CYRIA: variants seen among roughly 807,000 people sequenced by gnomAD.
CYRIA encodes the protein CYFIP-related Rac1 interactor A.
Under a neutral mutation model 43.9 loss-of-function variants are expected in CYRIA, and 15 were observed. That is an observed-to-expected ratio of 0.34 (90% CI 0.23 to 0.53). The LOEUF (loss-of-function observed/expected upper bound fraction) is 0.53. CYRIA is among the 20% of genes least tolerant of loss of function. The pLI, the probability that CYRIA is intolerant of heterozygous loss-of-function variation, is 0.94. For synonymous variants in CYRIA, 117 were observed against 136.0 expected, an observed-to-expected ratio of 0.86 and a Z score of 0.97; for missense variants, 236 against 394.2, an observed-to-expected ratio of 0.60 and a Z score of 3.40.
At chr2:16,658,785 C>T (rs1670176851) in intron 1 of CYRIA, among the ~76,000 whole-genome samples, 1 of 151,966 alleles carries the variant, frequency 6.6e-6, no homozygotes, top group South Asian at 2.1e-4. Context: ...CTATCTAATC[C>T]CCCAGTTTCT....
intron 1 of CYRIA, among the ~76,000 whole-genome samples, chr2:16,663,381 C>T (rs144274749): frequency 5.4e-4 from 82 of 152,258 alleles, no homozygotes; most frequent in African/African-American, 1.9e-3. Context: ...TACCATAATA[C>T]GTGCTCAGCT....
chr2:16,600,612 C>G (rs577232901), intron 2 of CYRIA, among the ~76,000 whole-genome samples: 1 of 152,232 alleles, frequency 6.6e-6, no homozygotes, highest in South Asian at 2.1e-4. Context: ...ATCATAAGTA[C>G]TCAAATATAT....
At chr2:16,618,783 A>C (rs1001921595) in intron 2 of CYRIA, among the ~76,000 whole-genome samples, 4 of 152,030 alleles carry the variant, frequency 2.6e-5, no homozygotes, top group African/African-American at 9.7e-5. Flanking sequence ...ATGTGAGCGG[A>C]CCCCCGAAGG....
At chr2:16,655,216 G>T (rs1670079166) in intron 1 of CYRIA, among the ~76,000 whole-genome samples, 1 of 152,212 alleles carries the variant, frequency 6.6e-6, no homozygotes, top group Non-Finnish European at 1.5e-5. Context: ...TTCAGTAATT[G>T]CAGGCCAGAG....
intron 1 of CYRIA, 58 bp from the exon 2 acceptor site, chr2:16,624,077 T>C (rs1027030249): frequency 5.9e-5 from 9 of 152,232 alleles, no homozygotes; most frequent in Admixed American, 5.9e-4. Context: ...TCTCCACTAG[T>C]CACAATGTAT....
intron 2 of CYRIA, 48 bp downstream of exon 2, chr2:16,623,816 T>C (rs1669075254): frequency 6.6e-6 from 1 of 152,244 alleles, no homozygotes. Flanking sequence ...AGTATAATGA[T>C]GGTTATCAGT....
chr2:16,618,238 A>G (rs1452024784), intron 2 of CYRIA, among the ~76,000 whole-genome samples: 1 of 152,150 alleles, frequency 6.6e-6, no homozygotes, highest in East Asian at 1.9e-4. Flanking sequence ...CTGCCTCTAA[A>G]AAGAACATTG....
At chr2:16,570,943 CT>C (rs1419419787) in intron 3 of CYRIA, among the ~76,000 whole-genome samples, 2 of 152,184 alleles carry the variant, frequency 1.3e-5, no homozygotes, top group Non-Finnish European at 2.9e-5. Context: ...GGAGTTACTC[CT>C]GTCTAACAAT....
chr2:16,554,797 G>A (rs1318186764), intron 11 of CYRIA, among the ~76,000 whole-genome samples: 3 of 152,274 alleles, frequency 2.0e-5, no homozygotes, highest in East Asian at 1.9e-4. Context: ...TCCATGACCC[G>A]TGGGGTCACC....
chr2:16,660,760 T>C (rs1482148145), intron 1 of CYRIA, among the ~76,000 whole-genome samples: 2 of 152,174 alleles, frequency 1.3e-5, no homozygotes, highest in African/African-American at 4.8e-5. Context: ...TATTAGAAAG[T>C]GAAGTCATTA....
chr2:16,614,756 C>A (rs1374717423), intron 2 of CYRIA, among the ~76,000 whole-genome samples: 1 of 152,200 alleles, frequency 6.6e-6, no homozygotes, highest in Non-Finnish European at 1.5e-5. Flanking sequence ...GTAGAGACAC[C>A]CGGTCACCTG....
At chr2:16,553,372 A>G (rs79554613) in intron 11 of CYRIA, among the ~76,000 whole-genome samples, 3,898 of 152,198 alleles carry the variant, frequency 0.026, 91 homozygotes, top group Middle Eastern at 0.068. Flanking sequence ...CAGAACTGGA[A>G]TGTTTATGGT....
intron 2 of CYRIA, among the ~76,000 whole-genome samples, chr2:16,612,674 C>G (rs1387497103): frequency 6.6e-6 from 1 of 152,214 alleles, no homozygotes; most frequent in East Asian, 1.9e-4. Context: ...TCTGAAGCAG[C>G]CAATCAGCTG....
intron 3 of CYRIA, among the ~76,000 whole-genome samples, chr2:16,566,562 T>C (rs1666940510): frequency 6.6e-6 from 1 of 152,060 alleles, no homozygotes; most frequent in South Asian, 2.1e-4. Flanking sequence ...GTGCAGGGAG[T>C]TCATGTTAAA....
chr2:16,617,575 C>T (rs1304380820), intron 2 of CYRIA, among the ~76,000 whole-genome samples: 5 of 152,258 alleles, frequency 3.3e-5, no homozygotes, highest in South Asian at 2.1e-4. Context: ...GTAGCTGCCT[C>T]ATTAAGGCCT....
At chr2:16,648,185 G>A (rs1343746510) in intron 1 of CYRIA, among the ~76,000 whole-genome samples, 1 of 152,146 alleles carries the variant, frequency 6.6e-6, no homozygotes, top group Non-Finnish European at 1.5e-5. Context: ...GAGAAACTCA[G>A]CCAGGGGGGT....
intron 11 of CYRIA, 86 bp from the exon 12 acceptor site, chr2:16,553,085 GAT>G (rs1666372496): frequency 1.2e-6 from 1 of 842,436 alleles, no homozygotes. Context: ...AAACACAATT[GAT>G]ATTTGGGCTT....
intron 2 of CYRIA, chr2:16,623,145 A>C (rs898329968): frequency 3.9e-5 from 6 of 152,228 alleles, no homozygotes; most frequent in Non-Finnish European, 8.8e-5. Flanking sequence ...GGCCTGCGTA[A>C]GAGAGATGTG....
At chr2:16,593,815 C>T (rs573627111) in intron 2 of CYRIA, among the ~76,000 whole-genome samples, 78 of 141,554 alleles carry the variant, frequency 5.5e-4, no homozygotes, top group African/African-American at 1.7e-3. Flanking sequence ...CATGCTGGTG[C>T]GCTGCACCCA....
Sources: allele counts gnomAD v4.1 joint callset (sites outside exome capture counted in the v4.1 genomes callset), GRCh38; gene constraint gnomAD v4.1.1; transcripts MANE v1.5; gene names NCBI Gene and HGNC (gene_info 2026-07-23, HGNC 2026-07-21).